Variants in TMEM80 observed in about 807,000 individuals in gnomAD.
TMEM80 encodes the protein transmembrane protein 80.
TMEM80 carries 16 observed loss-of-function variants against 13.6 expected under a neutral mutation model. The ratio of observed to expected loss-of-function variants is 1.17; its 90% CI spans 0.79 to 1.78. The LOEUF is 1.78. TMEM80 is among the 40% of genes most tolerant of loss of function. TMEM80 has a pLI of 0.00. For missense variants in TMEM80, 167 were observed against 184.6 expected (o/e 0.90, Z 0.55); for synonymous variants, 92 against 89.5 (o/e 1.03, Z -0.16).
downstream of TMEM80, chr11:704,391 AGCACCCAGTT>A: frequency 8.5e-7 from 1 of 1,181,862 alleles, no homozygotes; most frequent in Non-Finnish European, 1.1e-6. Flanking sequence ...AAGCGGTGGG[AGCACCCAGTT>A]GTCCTGGGCC....
At chr11:697,143 A>G (rs916699816) in intron 1 of TMEM80, among the ~76,000 whole-genome samples, 2 of 150,896 alleles carry the variant, frequency 1.3e-5, no homozygotes, top group South Asian at 4.2e-4. Context: ...GGTCCCAGCT[A>G]CGTGGGAGGC....
intron 4 of TMEM80, among the ~76,000 whole-genome samples, chr11:701,441 C>G (rs568235619): frequency 1.5e-5 from 2 of 129,664 alleles, no homozygotes; most frequent in African/African-American, 2.9e-5. Flanking sequence ...GACAGAGTCT[C>G]GCTCTGTCGC....
chr11:698,734 T>G (rs1590034386), intron 1 of TMEM80, 135 bp from the exon 2 acceptor site: 114 of 1,006,508 alleles, frequency 1.1e-4, no homozygotes, highest in Admixed American at 4.1e-4. Context: ...AGGCCCACGG[T>G]ATATGTTTGC....
chr11:704,656 A>C, downstream of TMEM80: 1 of 1,288,460 alleles, frequency 7.8e-7, no homozygotes, highest in Non-Finnish European at 1.0e-6. Context: ...ATGGATCCTG[A>C]TACCTCCAGT....
intron 1 of TMEM80, among the ~76,000 whole-genome samples, chr11:696,619 T>C (rs1861177434): frequency 1.0e-5 from 1 of 96,100 alleles, no homozygotes; most frequent in Non-Finnish European, 2.2e-5. Flanking sequence ...ACTGTAAACA[T>C]CAGCCAGGCG....
Position 703,555 on chromosome 11 carries a change from C to T in TMEM80, c.*405C>T. 1 of 1,234,070 alleles carries T rather than the reference C, an allele frequency of 8.1e-7. No individual in the cohort carries two copies. The highest frequency in any genetic ancestry group is 1.0e-6 in the Non-Finnish European group (1 of 989,588). The allele number at this position is 1,234,070 out of a possible 1,614,324, so 76.4% of individuals were successfully genotyped here. A position where few individuals can be genotyped will look rare whatever the true frequency, so the allele number is the denominator to read the frequency against. ...GCATCCCCCATCACCCCCTAGTTCC[C>T]CAATGGTCCTAATTTGTGTTCTGAG... On this transcript the variant is annotated 3_prime_UTR_variant, in exon 5 of 5. Transcript: ENST00000397510.
intron 4 of TMEM80, among the ~76,000 whole-genome samples, chr11:701,859 G>C (rs771594098): frequency 3.0e-4 from 45 of 152,180 alleles, no homozygotes; most frequent in African/African-American, 7.2e-5. Context: ...CAAGATTCAA[G>C]GGGTGCAGAA....
intron 1 of TMEM80, among the ~76,000 whole-genome samples, chr11:696,655 A>G (rs1296680483): frequency 1.4e-5 from 2 of 147,048 alleles, no homozygotes; most frequent in African/African-American, 2.5e-5. Flanking sequence ...GGGCCAAGCT[A>G]TTCTGGAGGC....
At position 703,186 on chromosome 11, in the gene TMEM80, C is replaced by A. The variant is rs754974591; in HGVS notation, c.*36C>A. 2.6e-6 allele frequency: 4 copies of A among 1,566,698 alleles called. No homozygotes were observed. Among genetic ancestry groups the A allele is most frequent in the Non-Finnish European group, 2.6e-6 (3 of 1,150,722 alleles). ...CCGGGATACCCCACACTGGGGCCCT[C>A]CTCCTGGGCCTGACCAGTCCCCCAG... is the stretch of plus-strand genomic sequence containing the variant. On this transcript the variant is annotated 3_prime_UTR_variant, in exon 5 of 5. Coordinates refer to ENST00000397510, the MANE Select transcript of TMEM80 (RefSeq NM_001042463.3).
intron 2 of TMEM80, chr11:699,930 G>T: frequency 1.8e-6 from 1 of 554,640 alleles, no homozygotes; most frequent in East Asian, 3.1e-5. Context: ...CATGGAGGGG[G>T]GTCCCACAAA....
At chr11:702,509 A>G (rs977023325) in intron 4 of TMEM80, among the ~76,000 whole-genome samples, 2 of 152,146 alleles carry the variant, frequency 1.3e-5, no homozygotes, top group African/African-American at 2.4e-5. Context: ...CTAAATACGC[A>G]GTTTTGTTTT....
At chr11:704,285 A>T (rs925429410), downstream of TMEM80, among the ~76,000 whole-genome samples, 1 of 151,752 alleles carries the variant, frequency 6.6e-6, no homozygotes, top group Non-Finnish European at 1.5e-5. Context: ...TGAGGGCAGG[A>T]GGCTGCGGGA....
chr11:696,263 A>G (rs943647853), intron 1 of TMEM80, among the ~76,000 whole-genome samples: 2 of 152,142 alleles, frequency 1.3e-5, no homozygotes, highest in Admixed American at 1.3e-4. Flanking sequence ...GAGAGGAGGA[A>G]GGGACAGACC....
intron 4 of TMEM80, among the ~76,000 whole-genome samples, chr11:701,752 T>C (rs1292860441): frequency 6.6e-6 from 1 of 152,214 alleles, no homozygotes; most frequent in African/African-American, 2.4e-5. Context: ...TCTTGAACTC[T>C]TGGGCTCAAG....
intron 1 of TMEM80, among the ~76,000 whole-genome samples, chr11:697,300 G>C (rs1353630938): frequency 6.6e-6 from 1 of 152,170 alleles, no homozygotes; most frequent in Non-Finnish European, 1.5e-5. Flanking sequence ...AACACATCTT[G>C]TCCATTACAT....
intron 2 of TMEM80, chr11:699,909 C>T (rs937317581): frequency 3.7e-6 from 2 of 543,408 alleles, no homozygotes; most frequent in Non-Finnish European, 6.6e-6. Context: ...GCACAGACCG[C>T]ATTGTTGTGG....
chr11:700,765 C>T, intron 4 of TMEM80, 58 bp downstream of exon 4: 1 of 1,447,318 alleles, frequency 6.9e-7, no homozygotes, highest in Non-Finnish European at 9.7e-7. Flanking sequence ...TCTGTTTCCA[C>T]AGCCTTTCAA....
At chr11:699,931 G>T (rs1313730608) in intron 2 of TMEM80, 5 of 554,538 alleles carry the variant, frequency 9.0e-6, no homozygotes, top group Non-Finnish European at 1.6e-5. Context: ...ATGGAGGGGG[G>T]TCCCACAAAG....
At chr11:704,797 C>T (rs1054984307), downstream of TMEM80, 4 of 511,450 alleles carry the variant, frequency 7.8e-6, no homozygotes, top group Middle Eastern at 4.2e-4. Context: ...CACTCAAAAT[C>T]GTGTTGACAG....
Sources: gnomAD v4.1 joint callset for allele counts (sites outside exome capture counted in the v4.1 genomes callset) on GRCh38, gnomAD v4.1.1 for gene constraint, MANE v1.5 for transcripts, NCBI Gene and HGNC (gene_info 2026-07-23, HGNC 2026-07-21) for gene names.